Variants in LCORL observed in about 807,000 individuals in gnomAD.
LCORL encodes ligand dependent nuclear receptor corepressor like, also known as ligand-dependent nuclear receptor corepressor-like protein.
A neutral mutation model predicts 141.8 loss-of-function variants in LCORL; 41 were observed. The observed-to-expected ratio is 0.29, with a 90% CI of 0.23 to 0.38. LCORL has a LOEUF of 0.38. Ranked by LOEUF, LCORL falls within the 10% of genes least tolerant of loss-of-function variation. The probability of loss-of-function intolerance (pLI) is 1.00; values close to 1 mark genes in which losing one functional copy is unlikely to be tolerated. For synonymous variants in LCORL, 618 were observed against 694.1 expected (o/e 0.89, Z 1.72); for missense variants, 1,759 against 2,035.0 (o/e 0.86, Z 2.61).
exon 8 of LCORL, chr4:17,844,506 C>CTT (rs936524851): frequency 3.3e-5 from 5 of 152,234 alleles, no homozygotes; most frequent in African/African-American, 9.7e-5. Context: ...CCTCATAGAA[C>CTT]TTATAAAAGG....
In LCORL at chr4:17,991,869, C is replaced by A. The variant is rs570303858; in HGVS notation, c.155-18984G>T. On this transcript the variant is annotated intron_variant, in intron 1 of 7. Transcript: ENST00000635767. ...TCTGAAGCCCTAAACTTTGCTCAAT[C>A]TAATCTCTCCTCACCCTCACCCTCA... Among the ~76,000 whole-genome samples, 5 of 148,608 alleles carry A rather than the reference C, an allele frequency of 3.4e-5. No homozygotes were observed. The East Asian group carries it at 9.8e-4, about 29-fold the overall frequency.
At chr4:17,923,983 A>C (rs1007826192) in intron 4 of LCORL, among the ~76,000 whole-genome samples, 15 of 151,804 alleles carry the variant, frequency 9.9e-5, no homozygotes, top group African/African-American at 3.4e-4. Flanking sequence ...CAGAACTTCG[A>C]GCAGTGCAAC....
intron 1 of LCORL, among the ~76,000 whole-genome samples, chr4:17,989,624 T>C (rs1324460928): frequency 1.3e-5 from 2 of 152,222 alleles, no homozygotes; most frequent in Admixed American, 6.5e-5. Context: ...AATATCTTCA[T>C]ATATGTCCAA....
At chr4:17,873,307 T>G (rs1726572338) in intron 7 of LCORL, 81 bp downstream of exon 7, 2 of 904,920 alleles carry the variant, frequency 2.2e-6, no homozygotes, top group Admixed American at 4.3e-5. Context: ...TAAAACTGCA[T>G]CAGCTGTTCC....
At chr4:17,915,723 T>C (rs914449489) in intron 4 of LCORL, among the ~76,000 whole-genome samples, 1 of 152,176 alleles carries the variant, frequency 6.6e-6, no homozygotes, top group African/African-American at 2.4e-5. Flanking sequence ...AAGTAGAAAA[T>C]GTGTCCAATG....
At chr4:17,877,743 G>C (rs1727070498) in exon 7 of LCORL, 7 of 1,230,630 alleles carry the variant, frequency 5.7e-6, no homozygotes, top group Admixed American at 4.2e-5. Flanking sequence ...TGACAAAAGA[G>C]GACTACGAAA....
chr4:17,999,187 T>C (rs1279890542), intron 1 of LCORL, among the ~76,000 whole-genome samples: 3 of 562 alleles, frequency 5.3e-3, no homozygotes, highest in Non-Finnish European at 0.011. Flanking sequence ...CATTAGGATG[T>C]CTAAGCCTGT....
exon 8 of LCORL, chr4:17,845,805 G>T (rs1486154524): frequency 6.2e-7 from 1 of 1,613,252 alleles, no homozygotes; most frequent in Non-Finnish European, 8.5e-7. Flanking sequence ...TCCATTCAAT[G>T]GGACGATTAA....
intron 2 of LCORL, among the ~76,000 whole-genome samples, chr4:17,967,843 T>A (rs906845047): frequency 3.3e-5 from 5 of 152,042 alleles, no homozygotes; most frequent in Non-Finnish European, 5.9e-5. Flanking sequence ...CCATTTGCCA[T>A]TACTTTTTTT....
At chr4:17,982,099 CGT>C (rs57094203) in intron 1 of LCORL, among the ~76,000 whole-genome samples, 9,758 of 136,316 alleles carry the variant, frequency 0.072, 325 homozygotes, top group East Asian at 0.095. Flanking sequence ...AGTATTCCAT[CGT>C]GTGTGTGTGT....
exon 7 of LCORL, chr4:17,874,878 T>C: frequency 2.4e-6 from 3 of 1,233,844 alleles, no homozygotes; most frequent in Non-Finnish European, 3.0e-6. Flanking sequence ...TTTTTCCTTC[T>C]GACTTTTATT....
intron 4 of LCORL, among the ~76,000 whole-genome samples, chr4:17,924,477 A>G (rs2109389924): frequency 6.6e-6 from 1 of 152,274 alleles, no homozygotes; most frequent in East Asian, 1.9e-4. Context: ...ATATGGCACT[A>G]TTCCTCGGGG....
chr4:17,997,451 A>C (rs1403501541), intron 1 of LCORL, among the ~76,000 whole-genome samples: 1 of 152,158 alleles, frequency 6.6e-6, no homozygotes, highest in Non-Finnish European at 1.5e-5. Flanking sequence ...AAAGTAATTG[A>C]ATTTTATGGC....
At chr4:17,901,414 G>A (rs1392955713) in intron 5 of LCORL, among the ~76,000 whole-genome samples, 4 of 151,604 alleles carry the variant, frequency 2.6e-5, no homozygotes, top group African/African-American at 9.7e-5. Flanking sequence ...AATCCTGAGA[G>A]TTTACTACCA....
intron 7 of LCORL, among the ~76,000 whole-genome samples, chr4:17,848,746 CG>C (rs1432077598): frequency 6.6e-6 from 1 of 152,230 alleles, no homozygotes; most frequent in Non-Finnish European, 1.5e-5. Context: ...ACTCGGGAAG[CG>C]CAAGGGGTCA....
At position 17,882,729 on chromosome 4, in the gene LCORL, T is replaced by C. The variant is rs560120438; in HGVS notation, c.776+3339A>G. ...GTCACAGCAGCAAATATATTAAAGT[T>C]ACACTGAGGTTTTTCAATAGTAGGA... On this transcript the variant is annotated intron_variant, in intron 6 of 7. Transcript: ENST00000635767. 33 of 984,080 alleles carry C rather than the reference T, an allele frequency of 3.4e-5. No homozygotes were observed. In the South Asian group the frequency reaches 1.5e-3, roughly 45 times the overall value. 61.0% of individuals were successfully genotyped at this position (984,080 alleles called of 1,614,324 possible).
intron 5 of LCORL, among the ~76,000 whole-genome samples, chr4:17,899,225 T>C (rs2109289073): frequency 6.6e-6 from 1 of 152,314 alleles, no homozygotes; most frequent in South Asian, 2.1e-4. Context: ...TGCCACTGTC[T>C]TTTGATTTTT....
At chr4:17,976,834 T>C (rs1717081514) in intron 1 of LCORL, among the ~76,000 whole-genome samples, 2 of 152,306 alleles carry the variant, frequency 1.3e-5, no homozygotes, top group Admixed American at 6.5e-5. Context: ...AATCTTTCTT[T>C]CCTCTGTTCC....
intron 5 of LCORL, among the ~76,000 whole-genome samples, chr4:17,903,830 T>C (rs1489494165): frequency 1.3e-5 from 2 of 151,940 alleles, no homozygotes; most frequent in Admixed American, 6.6e-5. Context: ...ATTAAGGAAG[T>C]TGAAAAGATT....
Sources: gnomAD v4.1 joint callset for allele counts (sites outside exome capture counted in the v4.1 genomes callset) on GRCh38, gnomAD v4.1.1 for gene constraint, MANE v1.5 for transcripts, NCBI Gene and HGNC (gene_info 2026-07-23, HGNC 2026-07-21) for gene names.